RBFOX3: variants seen among roughly 807,000 people sequenced by gnomAD.
RBFOX3 encodes RNA binding fox-1 homolog 3, also known as RNA binding protein fox-1 homolog 3.
RBFOX3 carries 17 observed loss-of-function variants against 48.7 expected under a neutral mutation model. The observed-to-expected ratio is 0.35, with a 90% CI of 0.24 to 0.52. RBFOX3 has a LOEUF of 0.52. Ranked by LOEUF, RBFOX3 falls within the 20% of genes least tolerant of loss-of-function variation. The pLI is 0.94. For missense variants in RBFOX3, 382 were observed against 497.5 expected (o/e 0.77, Z 2.21); for synonymous variants, 212 against 209.5 (o/e 1.01, Z -0.10).
intron 3 of RBFOX3, among the ~76,000 whole-genome samples, chr17:79,292,143 G>T (rs1286574876): frequency 6.6e-6 from 1 of 152,064 alleles, no homozygotes; most frequent in South Asian, 2.1e-4. Flanking sequence ...TCATATTGTG[G>T]TAATAGAGGG....
intron 2 of RBFOX3, among the ~76,000 whole-genome samples, chr17:79,417,620 G>C (rs1226991401): frequency 6.6e-6 from 1 of 152,236 alleles, no homozygotes; most frequent in Non-Finnish European, 1.5e-5. Flanking sequence ...TGCATTGCTG[G>C]TGGGAATGGA....
chr17:79,555,204 A>G (rs1480371733), intron 1 of RBFOX3, among the ~76,000 whole-genome samples: 2 of 152,270 alleles, frequency 1.3e-5, no homozygotes, highest in African/African-American at 4.8e-5. Flanking sequence ...GGTGATAGCT[A>G]TCACATACCC....
At chr17:79,257,335 A>C (rs1293102008) in intron 3 of RBFOX3, among the ~76,000 whole-genome samples, 5 of 152,238 alleles carry the variant, frequency 3.3e-5, no homozygotes, top group Non-Finnish European at 7.3e-5. Flanking sequence ...ATGCTTTGGC[A>C]AGTGAAGTCC....
chr17:79,454,614 G>C (rs892474786), intron 2 of RBFOX3, among the ~76,000 whole-genome samples: 1 of 152,156 alleles, frequency 6.6e-6, no homozygotes, highest in Admixed American at 6.5e-5. Flanking sequence ...ATTTCATACC[G>C]TCCGGCCCTG....
At chr17:79,549,968 T>C (rs1019388506) in intron 1 of RBFOX3, among the ~76,000 whole-genome samples, 6 of 152,110 alleles carry the variant, frequency 3.9e-5, no homozygotes, top group African/African-American at 1.4e-4. Flanking sequence ...AGCTAACTTG[T>C]AGGGCAGGAC....
At chr17:79,549,079 C>T (rs782076364) in intron 1 of RBFOX3, among the ~76,000 whole-genome samples, 10 of 152,190 alleles carry the variant, frequency 6.6e-5, no homozygotes, top group Non-Finnish European at 1.0e-4. Flanking sequence ...GACCAAGGTC[C>T]CTTGTCCCCA....
intron 3 of RBFOX3, among the ~76,000 whole-genome samples, chr17:79,274,815 A>G (rs1422130890): frequency 6.6e-6 from 1 of 151,794 alleles, no homozygotes; most frequent in East Asian, 1.9e-4. Flanking sequence ...ATCCTCCCTG[A>G]CCACGGTCCC....
At chr17:79,622,264 TG>T in the RBFOX3 span, among the ~76,000 whole-genome samples, 168 of 152,176 alleles carry the variant, frequency 1.1e-3, no homozygotes, top group African/African-American at 3.9e-3. Flanking sequence ...CCTGATGGGG[TG>T]GGGGGTGGCA....
At chr17:79,127,229 C>T (rs1180479509) in intron 4 of RBFOX3, among the ~76,000 whole-genome samples, 6 of 152,244 alleles carry the variant, frequency 3.9e-5, no homozygotes, top group African/African-American at 1.4e-4. Context: ...AGCAGCTTCA[C>T]TTCTTGATAC....
intron 2 of RBFOX3, among the ~76,000 whole-genome samples, chr17:79,375,782 C>T (rs1219432730): frequency 6.6e-6 from 1 of 152,202 alleles, no homozygotes; most frequent in African/African-American, 2.4e-5. Flanking sequence ...GGCTGCAGGA[C>T]ACGGCCCCTC....
intron 2 of RBFOX3, among the ~76,000 whole-genome samples, chr17:79,388,753 C>G (rs531635453): frequency 6.6e-6 from 1 of 152,182 alleles, no homozygotes; most frequent in Non-Finnish European, 1.5e-5. Context: ...CCAGCCACCC[C>G]TCCTGCACAT....
intron 2 of RBFOX3, among the ~76,000 whole-genome samples, chr17:79,466,395 C>T (rs1555753782): frequency 6.6e-6 from 1 of 152,190 alleles, no homozygotes; most frequent in Admixed American, 6.5e-5. Context: ...TGGAGAAGGG[C>T]AGCACCTGCG....
At chr17:79,208,679 C>T (rs1450896730) in intron 4 of RBFOX3, 2 of 140,572 alleles carry the variant, frequency 1.4e-5, no homozygotes, top group African/African-American at 5.6e-5. Context: ...AGAGGGGAGG[C>T]TCTTGGTGGA....
intron 3 of RBFOX3, among the ~76,000 whole-genome samples, chr17:79,251,072 GA>G (rs2063879224): frequency 6.6e-6 from 1 of 152,040 alleles, no homozygotes. Flanking sequence ...CAAAGTGCTG[GA>G]ATTACAGGTG....
At chr17:79,207,207 T>G (rs1458890308) in intron 4 of RBFOX3, among the ~76,000 whole-genome samples, 1 of 152,228 alleles carries the variant, frequency 6.6e-6, no homozygotes, top group Non-Finnish European at 1.5e-5. Flanking sequence ...GAGGAAAGTA[T>G]GAAGAAGATT....
upstream of RBFOX3, among the ~76,000 whole-genome samples, chr17:79,613,726 C>A (rs1327423697): frequency 2.6e-5 from 4 of 152,282 alleles, no homozygotes; most frequent in East Asian, 7.7e-4. Flanking sequence ...GTAATCCCAG[C>A]ACTTTGGGAG....
chr17:79,517,911 C>T (rs1214987710), intron 1 of RBFOX3, among the ~76,000 whole-genome samples: 2 of 152,298 alleles, frequency 1.3e-5, no homozygotes, highest in Non-Finnish European at 2.9e-5. Context: ...TTGAAAGCAG[C>T]TAGCCCGAGG....
intron 4 of RBFOX3, among the ~76,000 whole-genome samples, chr17:79,186,036 A>G (rs2053327232): frequency 6.6e-6 from 1 of 152,168 alleles, no homozygotes; most frequent in African/African-American, 2.4e-5. Context: ...GAGCTCAGTC[A>G]TTGGCCCAAA....
At chr17:79,293,439 CCTT>C (rs2073770025) in intron 3 of RBFOX3, among the ~76,000 whole-genome samples, 3 of 82,690 alleles carry the variant, frequency 3.6e-5, no homozygotes, top group African/African-American at 2.0e-4. Context: ...TTCCTTCCTT[CCTT>C]CCTTCCTTCC....
Sources: allele counts gnomAD v4.1 joint callset (sites outside exome capture counted in the v4.1 genomes callset), GRCh38; gene constraint gnomAD v4.1.1; transcripts MANE v1.5; gene names NCBI Gene and HGNC (gene_info 2026-07-23, HGNC 2026-07-21).